Variants in TMEM108 observed in about 807,000 individuals in gnomAD.
TMEM108 encodes transmembrane protein 108.
In TMEM108, 12 loss-of-function variants were observed where a neutral mutation model predicts 35.1. That is an observed-to-expected ratio of 0.34 (90% CI 0.22 to 0.55). The LOEUF (loss-of-function observed/expected upper bound fraction) is 0.55. TMEM108 is among the 20% of genes least tolerant of loss of function. The probability of loss-of-function intolerance (pLI) is 0.89; values close to 1 mark genes in which losing one functional copy is unlikely to be tolerated. For synonymous variants in TMEM108, 287 were observed against 308.6 expected, an observed-to-expected ratio of 0.93 and a Z score of 0.73; for missense variants, 680 against 753.3, an observed-to-expected ratio of 0.90 and a Z score of 1.14.
intron 5 of TMEM108, among the ~76,000 whole-genome samples, chr3:133,392,471 T>G (rs763849078): frequency 1.3e-5 from 2 of 152,066 alleles, no homozygotes; most frequent in Non-Finnish European, 2.9e-5. Flanking sequence ...TCACTTCTAT[T>G]CTCTTTCTAC....
chr3:133,171,876 G>C (rs1180398161), intron 2 of TMEM108, among the ~76,000 whole-genome samples: 1 of 152,172 alleles, frequency 6.6e-6, no homozygotes, highest in African/African-American at 2.4e-5. Context: ...TCAACGTTTA[G>C]AGAATCAAGA....
In TMEM108 at chr3:133,286,344, T is replaced by A. The variant is rs192460063; in HGVS notation, c.40+56993T>A. Among the ~76,000 whole-genome samples, 806 of 152,288 alleles carry A rather than the reference T, an allele frequency of 5.3e-3. 8 individuals are homozygous for A. The highest frequency in any genetic ancestry group is 0.044 in the Middle Eastern group (13 of 294). On this transcript the variant is annotated intron_variant, in intron 3 of 5. Transcript: ENST00000321871. Reference sequence around the variant, plus strand: ...ACACCCAGCTTTTATTTATTTATTTTTTTTTTAGAAACAAGGTCTCACTCT... The same window carrying A: ...ACACCCAGCTTTTATTTATTTATTTATTTTTTAGAAACAAGGTCTCACTCT...
intron 2 of TMEM108, among the ~76,000 whole-genome samples, chr3:133,073,114 A>G (rs1196835052): frequency 6.6e-6 from 1 of 152,260 alleles, no homozygotes; most frequent in African/African-American, 2.4e-5. Context: ...ATTATCTCAC[A>G]TATTTATTTG....
At chr3:133,352,498 T>G (rs1302699956) in intron 3 of TMEM108, among the ~76,000 whole-genome samples, 2 of 152,148 alleles carry the variant, frequency 1.3e-5, no homozygotes. Flanking sequence ...TGCTCCCACT[T>G]TAGATGCCAG....
At chr3:133,326,746 C>G (rs756231141) in intron 3 of TMEM108, among the ~76,000 whole-genome samples, 14 of 152,156 alleles carry the variant, frequency 9.2e-5, no homozygotes, top group Non-Finnish European at 1.6e-4. Flanking sequence ...ATGGGAAAAA[C>G]ATGGCCTTGG....
chr3:133,129,346 A>ACC (rs1185422404), intron 2 of TMEM108, among the ~76,000 whole-genome samples: 1 of 95,052 alleles, frequency 1.1e-5, no homozygotes, highest in Non-Finnish European at 2.2e-5. Flanking sequence ...CTCCGCACCC[A>ACC]CACCCCCCCC....
At chr3:133,265,492 A>C (rs1454490267) in intron 3 of TMEM108, among the ~76,000 whole-genome samples, 1 of 152,138 alleles carries the variant, frequency 6.6e-6, no homozygotes, top group Non-Finnish European at 1.5e-5. Context: ...CAGTGCAGTG[A>C]TTCTGAACCC....
At chr3:133,366,730 T>C (rs1429932231) in intron 3 of TMEM108, among the ~76,000 whole-genome samples, 1 of 152,226 alleles carries the variant, frequency 6.6e-6, no homozygotes, top group African/African-American at 2.4e-5. Flanking sequence ...AGTACCCTTA[T>C]AATCACATAG....
chr3:133,371,202 G>T (rs1294246851), intron 3 of TMEM108, among the ~76,000 whole-genome samples: 1 of 152,124 alleles, frequency 6.6e-6, no homozygotes, highest in Non-Finnish European at 1.5e-5. Flanking sequence ...AGTTACTGCT[G>T]CTGCCTAACA....
chr3:133,326,660 C>A (rs2071337192), intron 3 of TMEM108, among the ~76,000 whole-genome samples: 1 of 152,138 alleles, frequency 6.6e-6, no homozygotes, highest in Non-Finnish European at 1.5e-5. Context: ...TAGATCACAT[C>A]TGTCTTCCCC....
intron 2 of TMEM108, among the ~76,000 whole-genome samples, chr3:133,161,764 C>T (rs1192865446): frequency 6.6e-6 from 1 of 151,588 alleles, no homozygotes; most frequent in Non-Finnish European, 1.5e-5. Flanking sequence ...TTGTTGAAAT[C>T]TTGTCTCGCC....
At chr3:133,162,917 G>T (rs1044308370) in intron 2 of TMEM108, among the ~76,000 whole-genome samples, 2 of 152,234 alleles carry the variant, frequency 1.3e-5, no homozygotes, top group Admixed American at 6.5e-5. Flanking sequence ...GAAACAGTTT[G>T]CTGGGTATGT....
chr3:133,072,922 G>A (rs1431328855), intron 2 of TMEM108, among the ~76,000 whole-genome samples: 1 of 152,050 alleles, frequency 6.6e-6, no homozygotes, highest in Non-Finnish European at 1.5e-5. Flanking sequence ...AGCCTTTTGT[G>A]TCTGGCTTCT....
intron 3 of TMEM108, among the ~76,000 whole-genome samples, chr3:133,264,048 G>A (rs1440743164): frequency 1.3e-5 from 2 of 152,116 alleles, no homozygotes; most frequent in African/African-American, 2.4e-5. Context: ...ATGCATACCT[G>A]TAATACCAGC....
At chr3:133,207,531 T>TTACAAATGACAGGAATTGCTTC (rs1945775600) in intron 2 of TMEM108, among the ~76,000 whole-genome samples, 1 of 152,092 alleles carries the variant, frequency 6.6e-6, no homozygotes. Context: ...CATCGTAAAG[T>TTACAAATGACAGGAATTGCTTC]TTTTTAGGTT....
chr3:133,108,981 TATAATA>T (rs199816073), intron 2 of TMEM108, among the ~76,000 whole-genome samples: 11 of 152,110 alleles, frequency 7.2e-5, no homozygotes, highest in Middle Eastern at 3.4e-3. Flanking sequence ...CAACTTAAAA[TATAATA>T]ATAATAATAA....
At chr3:133,316,872 T>C (rs562080946) in intron 3 of TMEM108, among the ~76,000 whole-genome samples, 192 of 152,172 alleles carry the variant, frequency 1.3e-3, no homozygotes, top group Admixed American at 3.1e-3. Flanking sequence ...TCTAAGTGAG[T>C]TGACATAGAC....
rs373461035 is a variant in TMEM108, at chr3:133,294,605, T to C, written c.40+65254T>C. ...GGATAGAATCAATTTAATTCCCAAG[T>C]AGCAATATTGAGATGTATTTTTATT... On this transcript the variant is annotated intron_variant, in intron 3 of 5. Coordinates refer to ENST00000321871, the MANE Select transcript of TMEM108 (RefSeq NM_023943.4). 2.6e-5 allele frequency among the ~76,000 whole-genome samples: 4 copies of C among 152,336 alleles called. No homozygotes were observed. The East Asian group carries it at 5.8e-4, about 22-fold the overall frequency.
rs35149603 is a variant in TMEM108, at chr3:133,198,342, G to GGACA, written c.-46-30924_-46-30923insGACA. On this transcript the variant is annotated intron_variant, in intron 2 of 5. Coordinates refer to ENST00000321871, the MANE Select transcript of TMEM108 (RefSeq NM_023943.4). The stretch of plus-strand genomic sequence containing the variant: ...ATATATACTCATAGCTTTGGGAGAA[G>GGACA]CTTTCTTTATACCATTCAGGGCCAC... Among the ~76,000 whole-genome samples the GGACA allele has an allele frequency of 1.9e-3, 15 of 7,966 alleles. No homozygotes were observed. In the East Asian group the frequency reaches 0.34, roughly 182 times the overall value. 5.2% of individuals were successfully genotyped at this position (7,966 alleles called of 152,430 possible).
Sources: gnomAD v4.1 joint callset for allele counts (sites outside exome capture counted in the v4.1 genomes callset) on GRCh38, gnomAD v4.1.1 for gene constraint, MANE v1.5 for transcripts, NCBI Gene and HGNC (gene_info 2026-07-23, HGNC 2026-07-21) for gene names.